SORCS2: variants seen among roughly 807,000 people sequenced by gnomAD.
SORCS2 encodes VPS10 domain-containing receptor SorCS2.
Under a neutral mutation model 141.6 loss-of-function variants are expected in SORCS2, and 100 were observed. The observed-to-expected ratio is 0.71, with a 90% CI of 0.60 to 0.83. The LOEUF (loss-of-function observed/expected upper bound fraction) is 0.83, where lower values mean the gene tolerates loss of function less well. Among genes scored for constraint, SORCS2 ranks in the 40% least tolerant of loss-of-function variants. The probability of loss-of-function intolerance (pLI) is 0.00; values close to 1 mark genes in which losing one functional copy is unlikely to be tolerated. For missense variants in SORCS2, 1,646 were observed against 1,560.2 expected (o/e 1.05, Z -0.93); for synonymous variants, 789 against 676.9 (o/e 1.17, Z -2.57).
At chr4:7,430,465 G>A (rs1726762930) in intron 2 of SORCS2, 1 of 152,230 alleles carries the variant, frequency 6.6e-6, no homozygotes, top group Non-Finnish European at 1.5e-5. Flanking sequence ...TGCATCTGGT[G>A]TGGCCGAGAA....
chr4:7,199,641 G>C (rs930276174), intron 1 of SORCS2, among the ~76,000 whole-genome samples: 1 of 151,954 alleles, frequency 6.6e-6, no homozygotes, highest in Admixed American at 6.6e-5. Flanking sequence ...CTCTGGGATG[G>C]GGAGCTGCGT....
chr4:7,231,527 A>G (rs1577303010), intron 1 of SORCS2, among the ~76,000 whole-genome samples: 1 of 152,040 alleles, frequency 6.6e-6, no homozygotes, highest in Admixed American at 6.5e-5. Context: ...CCATCCATCC[A>G]TCCATCCATT....
intron 8 of SORCS2, among the ~76,000 whole-genome samples, chr4:7,671,858 C>T (rs1288488900): frequency 6.6e-6 from 1 of 151,600 alleles, no homozygotes; most frequent in African/African-American, 2.4e-5. Context: ...ATATAAGTAT[C>T]TAAAATTTCA....
In SORCS2 at chr4:7,279,845, G is replaced by T. The variant is rs145973809; in HGVS notation, c.480+86719G>T. Reference sequence around the variant, plus strand: ...AATTTGGGCAAAATATCTATTTCTGGACGCACCTCCCCTCCCCCGCCCCCC... The same window carrying T: ...AATTTGGGCAAAATATCTATTTCTGTACGCACCTCCCCTCCCCCGCCCCCC... On this transcript the variant is annotated intron_variant, in intron 1 of 26. Transcript: ENST00000507866. Among the ~76,000 whole-genome samples, 234 of 152,096 alleles carry T rather than the reference G, an allele frequency of 1.5e-3. 1 individual carries two copies. The highest frequency in any genetic ancestry group is 5.5e-3 in the African/African-American group (229 of 41,476).
At position 7,193,466 on chromosome 4, in the gene SORCS2, TACC is replaced by T. The variant is rs975558874; in HGVS notation, c.480+341_480+343del. ...TCGGAAGCCTGCAGGTCCTTGAGGG[TACC>T]CCAGCTCGGCGTTACCTCCCCTGCC... On this transcript the variant is annotated intron_variant, in intron 1 of 26. Coordinates refer to ENST00000507866, the MANE Select transcript of SORCS2 (RefSeq NM_020777.3). The surrounding 1 kb of genome is among the most constrained non-coding windows in gnomAD (Gnocchi z 4.8). 6.6e-6 allele frequency among the ~76,000 whole-genome samples: 1 copy of T among 152,048 alleles called. No homozygotes were observed. The highest frequency in any genetic ancestry group is 6.5e-5 in the Admixed American group (1 of 15,276).
At chr4:7,272,811 G>C (rs1219647377) in intron 1 of SORCS2, among the ~76,000 whole-genome samples, 1 of 152,260 alleles carries the variant, frequency 6.6e-6, no homozygotes, top group Non-Finnish European at 1.5e-5. Flanking sequence ...AGGTGGAAAG[G>C]AATGTTTCTT....
intron 3 of SORCS2, among the ~76,000 whole-genome samples, chr4:7,561,909 A>G (rs1714612767): frequency 6.6e-6 from 1 of 152,058 alleles, no homozygotes; most frequent in Non-Finnish European, 1.5e-5. Flanking sequence ...CAATCTACTC[A>G]TGCATCCATC....
At chr4:7,682,611 T>TG in intron 9 of SORCS2, 132 bp from the exon 10 acceptor site, 1 of 876,368 alleles carries the variant, frequency 1.1e-6, no homozygotes, top group Non-Finnish European at 1.8e-6. Flanking sequence ...GTGTCTCAGC[T>TG]GCTGGACATT....
intron 1 of SORCS2, among the ~76,000 whole-genome samples, chr4:7,195,171 G>GGTGTGT (rs59264911): frequency 5.6e-5 from 8 of 142,568 alleles, no homozygotes; most frequent in Non-Finnish European, 9.1e-5. Context: ...ACTGCTGGCA[G>GGTGTGT]GTGTGTGTGT....
chr4:7,306,749 C>T (rs538096507), intron 1 of SORCS2, among the ~76,000 whole-genome samples: 17 of 152,246 alleles, frequency 1.1e-4, no homozygotes, highest in African/African-American at 3.1e-4. Flanking sequence ...CCATGCAGTG[C>T]ACCGTGCAGA....
At chr4:7,300,867 T>A (rs140723759) in intron 1 of SORCS2, among the ~76,000 whole-genome samples, 23 of 152,328 alleles carry the variant, frequency 1.5e-4, no homozygotes, top group Non-Finnish European at 2.5e-4. Context: ...TTGAGAGCCA[T>A]CTGTGTCTGG....
At chr4:7,507,885 T>G (rs1732373310) in intron 2 of SORCS2, among the ~76,000 whole-genome samples, 1 of 152,122 alleles carries the variant, frequency 6.6e-6, no homozygotes, top group South Asian at 2.1e-4. Context: ...AATCCAAATA[T>G]TATTAGAAAA....
chr4:7,670,184 T>C (rs1465732618), intron 8 of SORCS2, among the ~76,000 whole-genome samples: 4 of 152,270 alleles, frequency 2.6e-5, no homozygotes, highest in African/African-American at 9.6e-5. Context: ...GCCATGTTTT[T>C]CTATTTTCCT....
chr4:7,461,210 T>G (rs1205114737), intron 2 of SORCS2, among the ~76,000 whole-genome samples: 2 of 152,194 alleles, frequency 1.3e-5, no homozygotes, highest in African/African-American at 4.8e-5. Flanking sequence ...AAATAATTAC[T>G]GCCTTCGCTC....
At chr4:7,502,432 C>T (rs181702116) in intron 2 of SORCS2, among the ~76,000 whole-genome samples, 61 of 152,178 alleles carry the variant, frequency 4.0e-4, no homozygotes, top group East Asian at 1.7e-3. Flanking sequence ...TGTGTGAATG[C>T]GAAGGAAAGC....
chr4:7,342,839 T>A (rs1446926046), intron 1 of SORCS2, among the ~76,000 whole-genome samples: 1 of 152,250 alleles, frequency 6.6e-6, no homozygotes, highest in Non-Finnish European at 1.5e-5. Flanking sequence ...CAGATGGGAC[T>A]AATTTGATCT....
intron 1 of SORCS2, among the ~76,000 whole-genome samples, chr4:7,243,910 G>T (rs1310584602): frequency 6.6e-6 from 1 of 151,718 alleles, no homozygotes; most frequent in East Asian, 2.0e-4. Context: ...GCACGCAGCA[G>T]GCCTGGCCCG....
chr4:7,484,211 G>A lies in SORCS2; in HGVS notation c.549-47319G>A, dbSNP rs546753192. 1.7e-4 allele frequency among the ~76,000 whole-genome samples: 26 copies of A among 152,306 alleles called. No homozygotes were observed. The South Asian group carries it at 4.6e-3, about 27-fold the overall frequency. On this transcript the variant is annotated intron_variant, in intron 2 of 26. Transcript: ENST00000507866. ...TTCCCACAGCTCGCGTCCCTGCGCCGGCAGATCGCCGCTGAGTCTGAACGT... is the reference window on the plus strand; with the variant it reads ...TTCCCACAGCTCGCGTCCCTGCGCCAGCAGATCGCCGCTGAGTCTGAACGT...
intron 1 of SORCS2, among the ~76,000 whole-genome samples, chr4:7,359,881 G>A (rs963509113): frequency 2.6e-5 from 4 of 152,146 alleles, no homozygotes; most frequent in Non-Finnish European, 4.4e-5. Context: ...AGTGGCCCAG[G>A]GACAAGTGAG....
Sources: gnomAD v4.1 joint callset for allele counts (sites outside exome capture counted in the v4.1 genomes callset) on GRCh38, gnomAD v4.1.1 for gene constraint, Gnocchi (gnomAD v3.1) non-coding constraint, MANE v1.5 for transcripts, NCBI Gene and HGNC (gene_info 2026-07-23, HGNC 2026-07-21) for gene names.